The following C8orf90 variants were observed in gnomAD, a reference collection of about 807,000 sequenced individuals.
The protein encoded by C8orf90 is chromosome 8 open reading frame 90.
the C8orf90 span, among the ~76,000 whole-genome samples, chr8:141,515,122 A>G: frequency 9.4e-5 from 13 of 137,602 alleles, no homozygotes; most frequent in African/African-American, 3.3e-4. Context: ...TGCCTCTTCT[A>G]AAACTCAGCT....
chr8:141,518,221 G>A, the C8orf90 span: 3 of 585,840 alleles, frequency 5.1e-6, no homozygotes, highest in Non-Finnish European at 9.1e-6. Context: ...CGCAGGTCCC[G>A]CGGCGCCCCC....
chr8:141,514,926 G>T, the C8orf90 span, among the ~76,000 whole-genome samples: 3 of 151,990 alleles, frequency 2.0e-5, no homozygotes, highest in South Asian at 2.1e-4. Context: ...CCAGGATGGG[G>T]GCATGCGGGC....
chr8:141,516,913 G>T, the C8orf90 span, among the ~76,000 whole-genome samples: 38 of 152,226 alleles, frequency 2.5e-4, no homozygotes, highest in Non-Finnish European at 1.5e-4. Context: ...GCTCATGGAA[G>T]GTGAAAGACT....
the C8orf90 span, chr8:141,518,100 G>C: frequency 3.9e-6 from 2 of 509,164 alleles, no homozygotes; most frequent in Non-Finnish European, 6.9e-6. Flanking sequence ...CTCATTCGGC[G>C]GCTCCTTCCA....
At chr8:141,515,068 C>T in the C8orf90 span, among the ~76,000 whole-genome samples, 1 of 151,732 alleles carries the variant, frequency 6.6e-6, no homozygotes, top group Non-Finnish European at 1.5e-5. Flanking sequence ...TGTGCAGGGT[C>T]CTTCTCACTC....
chr8:141,517,245 C>T, the C8orf90 span, among the ~76,000 whole-genome samples: 1 of 65,134 alleles, frequency 1.5e-5, no homozygotes, highest in East Asian at 3.1e-4. Context: ...TCATCCATTC[C>T]CACTTCCTAG....
chr8:141,518,721 T>C, the C8orf90 span: 2 of 475,724 alleles, frequency 4.2e-6, no homozygotes, highest in Non-Finnish European at 7.5e-6. Flanking sequence ...AATAAAGAGT[T>C]TCCCCAGCTC....
At chr8:141,515,753 G>C in the C8orf90 span, among the ~76,000 whole-genome samples, 13 of 152,134 alleles carry the variant, frequency 8.5e-5, no homozygotes, top group African/African-American at 2.4e-4. Flanking sequence ...TAGTCTGGCA[G>C]CTCCAACTCC....
At chr8:141,515,925 C>G in the C8orf90 span, among the ~76,000 whole-genome samples, 1,287 of 152,342 alleles carry the variant, frequency 8.4e-3, 20 homozygotes, top group African/African-American at 0.03. Context: ...TTCTCTCCCT[C>G]TAAGCCCCCA....
At chr8:141,518,589 G>A in the C8orf90 span, 1 of 446,896 alleles carries the variant, frequency 2.2e-6, no homozygotes. Flanking sequence ...GCCCGGGCCC[G>A]GCCTCGTCCT....
At chr8:141,514,739 C>T in the C8orf90 span, 3 of 701,624 alleles carry the variant, frequency 4.3e-6, 1 homozygote, top group Middle Eastern at 6.9e-4. Flanking sequence ...AGCAGGTCTG[C>T]CCCCTCCTTC....
chr8:141,518,412 C>A, the C8orf90 span: 4 of 672,982 alleles, frequency 5.9e-6, no homozygotes, highest in Non-Finnish European at 1.1e-5. Context: ...ACCCCGCCTG[C>A]GGGCCGCTCT....
the C8orf90 span, among the ~76,000 whole-genome samples, chr8:141,517,262 A>C: frequency 1.5e-5 from 1 of 64,998 alleles, no homozygotes; most frequent in Admixed American, 1.4e-4. Context: ...CTAGCCTCCC[A>C]GTGTGGCCAT....
At chr8:141,518,435 G>A in the C8orf90 span, 3 of 666,178 alleles carry the variant, frequency 4.5e-6, no homozygotes, top group Admixed American at 2.2e-5. Context: ...TACGACCCCC[G>A]CGACCGCGCA....
At chr8:141,517,621 C>T in the C8orf90 span, among the ~76,000 whole-genome samples, 9 of 152,322 alleles carry the variant, frequency 5.9e-5, no homozygotes, top group East Asian at 9.7e-4. Flanking sequence ...GTCCAGGCTG[C>T]GAGCCAGGCT....
At chr8:141,514,718 AC>A in the C8orf90 span, 3 of 700,282 alleles carry the variant, frequency 4.3e-6, no homozygotes, top group Admixed American at 4.0e-5. Context: ...TTGTCCTGGG[AC>A]CCCCAGCCCA....
At chr8:141,517,624 G>A in the C8orf90 span, among the ~76,000 whole-genome samples, 1 of 152,190 alleles carries the variant, frequency 6.6e-6, no homozygotes, top group Non-Finnish European at 1.5e-5. Flanking sequence ...CAGGCTGCGA[G>A]CCAGGCTGTT....
chr8:141,518,588 C>T, the C8orf90 span: 5 of 445,152 alleles, frequency 1.1e-5, no homozygotes, highest in Admixed American at 8.9e-5. Context: ...GGCCCGGGCC[C>T]GGCCTCGTCC....
chr8:141,516,276 C>T, the C8orf90 span, among the ~76,000 whole-genome samples: 1 of 152,220 alleles, frequency 6.6e-6, no homozygotes, highest in Non-Finnish European at 1.5e-5. Context: ...GTCTCCTGCC[C>T]TACTTCTCTG....
Sources: allele counts gnomAD v4.1 joint callset (sites outside exome capture counted in the v4.1 genomes callset), GRCh38; gene constraint gnomAD v4.1.1; transcripts MANE v1.5; gene names NCBI Gene and HGNC (gene_info 2026-07-23, HGNC 2026-07-21).